Variants in TCERG1L observed in about 807,000 individuals in gnomAD.
TCERG1L encodes transcription elongation regulator 1-like protein.
Under a neutral mutation model 56.3 loss-of-function variants are expected in TCERG1L, and 37 were observed. The ratio of observed to expected loss-of-function variants is 0.66; its 90% CI spans 0.51 to 0.87. TCERG1L has a LOEUF of 0.87. Among genes scored for constraint, TCERG1L ranks in the 40% least tolerant of loss-of-function variants. TCERG1L has a pLI of 0.00. For synonymous variants in TCERG1L, 324 were observed against 326.3 expected (o/e 0.99, Z 0.08); for missense variants, 799 against 774.2 (o/e 1.03, Z -0.38).
intron 4 of TCERG1L, among the ~76,000 whole-genome samples, chr10:131,180,528 T>G (rs1845161820): frequency 6.6e-6 from 1 of 152,230 alleles, no homozygotes; most frequent in Non-Finnish European, 1.5e-5. Flanking sequence ...TGTTTCACAT[T>G]AACATTTATT....
At chr10:131,218,918 C>T (rs908636610) in intron 4 of TCERG1L, among the ~76,000 whole-genome samples, 1 of 152,116 alleles carries the variant, frequency 6.6e-6, no homozygotes, top group Admixed American at 6.5e-5. Context: ...ACCTCCAACA[C>T]ACAGCAAATC....
At chr10:131,241,177 A>G (rs1845967390) in intron 4 of TCERG1L, among the ~76,000 whole-genome samples, 1 of 152,216 alleles carries the variant, frequency 6.6e-6, no homozygotes, top group African/African-American at 2.4e-5. Context: ...GCCCGCACGC[A>G]GAATGGGTGG....
chr10:131,112,327 C>T lies in TCERG1L; in HGVS notation c.1395+4472G>A, dbSNP rs1010581670. On this transcript the variant is annotated intron_variant, in intron 9 of 11. Transcript: ENST00000368642. ...TGCCTGTCTGGATCTGCAGCCCACCCGGCCCCTCCTGGGCCCAGATGCCCC... is the reference window on the plus strand; with the variant it reads ...TGCCTGTCTGGATCTGCAGCCCACCTGGCCCCTCCTGGGCCCAGATGCCCC... Among the ~76,000 whole-genome samples the T allele has an allele frequency of 2.1e-4, 30 of 142,708 alleles. 6 individuals carry two copies. The highest frequency in any genetic ancestry group is 6.7e-4 in the African/African-American group (27 of 40,508). The allele number at this position is 142,708 out of a possible 152,430, so 93.6% of individuals were successfully genotyped here.
chr10:131,299,794 T>G (rs954521893), intron 3 of TCERG1L, among the ~76,000 whole-genome samples: 7 of 152,158 alleles, frequency 4.6e-5, no homozygotes, highest in Admixed American at 3.9e-4. Flanking sequence ...TATAGTACAA[T>G]AGCCTTACAA....
rs1266045205 is a variant in TCERG1L at position 131,229,005 on chromosome 10, G to C, written c.856+31254C>G. ...TTCCCTCCAGACAGGCATTCCTCAA[G>C]GTCTCTGGAGTCTCCACTCCAGAAA... On this transcript the variant is annotated intron_variant, in intron 4 of 11. Coordinates refer to ENST00000368642, the MANE Select transcript of TCERG1L (RefSeq NM_174937.4). 1.3e-4 allele frequency among the ~76,000 whole-genome samples: 9 copies of C among 70,150 alleles called. 1 individual carries two copies. The highest frequency in any genetic ancestry group is 1.1e-3 in the Admixed American group (7 of 6,594). The allele number at this position is 70,150 out of a possible 152,430, so 46.0% of individuals were successfully genotyped here. A position where few individuals can be genotyped will look rare whatever the true frequency, so the allele number is the denominator to read the frequency against.
chr10:131,289,074 T>G (rs1846578079), intron 3 of TCERG1L, among the ~76,000 whole-genome samples: 1 of 152,180 alleles, frequency 6.6e-6, no homozygotes, highest in African/African-American at 2.4e-5. Flanking sequence ...CTCTTCCTAT[T>G]TCCTGACAAA....
At chr10:131,128,268 G>A (rs577335937) in intron 8 of TCERG1L, among the ~76,000 whole-genome samples, 5 of 152,088 alleles carry the variant, frequency 3.3e-5, no homozygotes, top group Admixed American at 6.6e-5. Flanking sequence ...GCATAATGAC[G>A]AAGCGTCAAC....
chr10:131,179,498 G>A (rs1845146469), intron 4 of TCERG1L, among the ~76,000 whole-genome samples: 4 of 152,122 alleles, frequency 2.6e-5, no homozygotes, highest in African/African-American at 9.7e-5. Flanking sequence ...CACCGGAGTA[G>A]CCCTCGGTCC....
chr10:131,235,615 C>G (rs1845904927), intron 4 of TCERG1L, among the ~76,000 whole-genome samples: 2 of 152,206 alleles, frequency 1.3e-5, no homozygotes, highest in Non-Finnish European at 2.9e-5. Context: ...AGATCAGTCT[C>G]TATCTACTGA....
intron 3 of TCERG1L, among the ~76,000 whole-genome samples, chr10:131,293,241 G>C (rs971773969): frequency 1.3e-5 from 2 of 151,954 alleles, no homozygotes; most frequent in African/African-American, 4.8e-5. Context: ...GTTTTCTAAT[G>C]CCTGGATTTG....
At chr10:131,227,382 G>A (rs946648596) in intron 4 of TCERG1L, among the ~76,000 whole-genome samples, 1 of 152,232 alleles carries the variant, frequency 6.6e-6, no homozygotes, top group African/African-American at 2.4e-5. Context: ...GGCAGAGCTG[G>A]ACCAAGTCAT....
chr10:131,167,519 C>T (rs957702208), intron 4 of TCERG1L, among the ~76,000 whole-genome samples: 3 of 152,346 alleles, frequency 2.0e-5, no homozygotes, highest in East Asian at 1.9e-4. Context: ...AACTGGGCCA[C>T]GTGGGTCACA....
chr10:131,261,812 A>G (rs1360005158), intron 3 of TCERG1L, among the ~76,000 whole-genome samples: 9 of 152,162 alleles, frequency 5.9e-5, no homozygotes, highest in Admixed American at 5.9e-4. Flanking sequence ...GCATAGTGGG[A>G]AAGCAGGGAG....
At chr10:131,131,161 C>T (rs181640206) in intron 8 of TCERG1L, among the ~76,000 whole-genome samples, 11 of 152,258 alleles carry the variant, frequency 7.2e-5, no homozygotes, top group African/African-American at 1.4e-4. Flanking sequence ...TGATTCGAGC[C>T]GCGGTGTCCA....
chr10:131,294,670 T>A (rs1846668904), intron 3 of TCERG1L, among the ~76,000 whole-genome samples: 1 of 152,162 alleles, frequency 6.6e-6, no homozygotes, highest in Non-Finnish European at 1.5e-5. Context: ...TGAGTTCTTT[T>A]GAAAAACATG....
chr10:131,226,124 A>G (rs1373038460), intron 4 of TCERG1L, among the ~76,000 whole-genome samples: 2 of 152,176 alleles, frequency 1.3e-5, no homozygotes. Flanking sequence ...AGTTTCTTTT[A>G]GAGATGGAGT....
intron 7 of TCERG1L, among the ~76,000 whole-genome samples, chr10:131,134,957 C>A (rs1589724797): frequency 6.6e-6 from 1 of 152,180 alleles, no homozygotes; most frequent in South Asian, 2.1e-4. Flanking sequence ...ACTATGGACG[C>A]CCATCTACTT....
rs1381321112 is a variant in TCERG1L at position 131,146,621 on chromosome 10, G to A, written c.1074C>T (p.Phe358=). The A allele has an allele frequency of 6.2e-7, 1 of 1,613,754 alleles. No homozygotes were observed. Among genetic ancestry groups the A allele is most frequent in the African/African-American group, 1.3e-5 (1 of 75,018 alleles). Reference sequence around the variant, plus strand: ...AGACAGACAGGTGCATCGTTGGGTTGAAGAAGAAAACTCGGTCATCGCCCG... The same window carrying A: ...AGACAGACAGGTGCATCGTTGGGTTAAAGAAGAAAACTCGGTCATCGCCCG... ...VWTGDDRVFF[F]NPTMHLSVWE... is the part of the protein sequence containing the mutation. The change falls in exon 7 of 12, where the codon TTC becomes TTT. Residue 358 remains phenylalanine, a synonymous_variant. Coordinates refer to ENST00000368642, the MANE Select transcript of TCERG1L (RefSeq NM_174937.4).
chr10:131,226,782 A>G (rs928904684), intron 4 of TCERG1L, among the ~76,000 whole-genome samples: 5 of 152,284 alleles, frequency 3.3e-5, no homozygotes, highest in Non-Finnish European at 2.9e-5. Flanking sequence ...ATTTGGAACA[A>G]AACGGGATCC....
Sources: gnomAD v4.1 joint callset for allele counts (sites outside exome capture counted in the v4.1 genomes callset) on GRCh38, gnomAD v4.1.1 for gene constraint, MANE v1.5 for transcripts, NCBI Gene and HGNC (gene_info 2026-07-23, HGNC 2026-07-21) for gene names.